CRYM: variants seen among roughly 807,000 people sequenced by gnomAD.
CRYM encodes the protein crystallin mu.
Under a neutral mutation model 32.9 loss-of-function variants are expected in CRYM, and 18 were observed. That is an observed-to-expected ratio of 0.55 (90% confidence interval 0.38 to 0.81). The LOEUF (loss-of-function observed/expected upper bound fraction) is 0.81, where lower values mean the gene tolerates loss of function less well. Among genes scored for constraint, CRYM ranks in the 30% least tolerant of loss-of-function variants. The pLI is 0.00. For missense variants in CRYM, 337 were observed against 393.5 expected (o/e 0.86, Z 1.21); for synonymous variants, 153 against 152.4 (o/e 1.00, Z -0.03).
upstream of CRYM, among the ~76,000 whole-genome samples, chr16:21,282,582 CCCA>C (rs1341683071): frequency 6.6e-6 from 1 of 152,092 alleles, no homozygotes; most frequent in Non-Finnish European, 1.5e-5. Context: ...ATTTCTGACT[CCCA>C]CATTACTAGA....
intron 5 of CRYM, among the ~76,000 whole-genome samples, chr16:21,263,112 T>C (rs553178733): frequency 1.8e-4 from 27 of 152,242 alleles, no homozygotes; most frequent in South Asian, 8.3e-4. Context: ...CAATCAGAAC[T>C]CACCACAGGC....
In CRYM at chr16:21,283,618, T is replaced by TCGGAAGC. The variant is rs1379363665; in HGVS notation, c.-192-4665_-192-4659dup. 3 of 150,054 alleles carry TCGGAAGC rather than the reference T, an allele frequency of 2.0e-5. No individual in the cohort carries two copies. The South Asian group carries it at 6.4e-4, about 32-fold the overall frequency. The allele number at this position is 150,054 out of a possible 1,614,324, so 9.3% of individuals were successfully genotyped here. A position where few individuals can be genotyped will look rare whatever the true frequency, so the allele number is the denominator to read the frequency against. ...CAGGACAAGCAACGGATGAAGTATC[T>TCGGAAGC]CGGAAGCCGGAGAAGGGTGGTCTGG... On this transcript the variant is annotated intron_variant, in intron 1 of 9. Transcript: ENST00000219599.
Position 21,269,850 on chromosome 16 carries a change from C to A in CRYM, c.429G>T (p.Gly143=), listed in dbSNP as rs2093371549. 1 of 1,613,574 alleles carries A rather than the reference C, an allele frequency of 6.2e-7. No homozygotes were observed. The highest frequency in any genetic ancestry group is 8.5e-7 in the Non-Finnish European group (1 of 1,179,900). Residue 143 remains glycine (G), a synonymous_variant, in exon 4 of 8, where the codon GGG becomes GGT. Coordinates refer to ENST00000572914, the MANE Select transcript of CRYM (RefSeq NM_001376256.1). Reference sequence around the variant, plus strand: ...AATGGCTGTAGGCCTGGACCCCAGCCCCAAGGATGCACAGCACTTCACTGC... The same window carrying A: ...AATGGCTGTAGGCCTGGACCCCAGCACCAAGGATGCACAGCACTTCACTGC... ...PPSSEVLCIL[G]AGVQAYSHYE...
chr16:21,264,463 A>G (rs2152861590), intron 5 of CRYM, among the ~76,000 whole-genome samples: 1 of 152,238 alleles, frequency 6.6e-6, no homozygotes, highest in East Asian at 1.9e-4. Context: ...ATGGGGCTAA[A>G]TGAGTGAGGG....
At chr16:21,290,794 A>C (rs1567240450) in intron 1 of CRYM, among the ~76,000 whole-genome samples, 1 of 152,196 alleles carries the variant, frequency 6.6e-6, no homozygotes, top group African/African-American at 2.4e-5. Flanking sequence ...TGTCCTTTCA[A>C]CTGATGATAT....
chr16:21,293,328 G>A (rs1322901014), intron 1 of CRYM, among the ~76,000 whole-genome samples: 1 of 152,180 alleles, frequency 6.6e-6, no homozygotes, highest in African/African-American at 2.4e-5. Context: ...GATGCACCAA[G>A]GGAAAAGCAA....
intron 1 of CRYM, among the ~76,000 whole-genome samples, chr16:21,301,518 C>T (rs1046111317): frequency 6.6e-6 from 1 of 152,152 alleles, no homozygotes; most frequent in Non-Finnish European, 1.5e-5. Flanking sequence ...GAAGAAGTAA[C>T]GTTGGGCTGG....
intron 1 of CRYM, among the ~76,000 whole-genome samples, chr16:21,296,501 C>G (rs1225968896): frequency 1.3e-5 from 2 of 152,150 alleles, no homozygotes; most frequent in Non-Finnish European, 2.9e-5. Flanking sequence ...GAACACAAAT[C>G]TACTCATTGA....
chr16:21,300,328 T>A (rs1444396463), intron 1 of CRYM: 1 of 152,010 alleles, frequency 6.6e-6, no homozygotes, highest in Non-Finnish European at 1.5e-5. Context: ...AAGGGGAGAT[T>A]GCAATGGTAA....
At chr16:21,270,705 T>C (rs1325833322) in intron 3 of CRYM, among the ~76,000 whole-genome samples, 2 of 152,220 alleles carry the variant, frequency 1.3e-5, no homozygotes, top group African/African-American at 4.8e-5. Context: ...CTCAGAGCTC[T>C]GAGCTGCTTC....
At chr16:21,282,890 A>C (rs1329392972), upstream of CRYM, among the ~76,000 whole-genome samples, 1 of 152,116 alleles carries the variant, frequency 6.6e-6, no homozygotes, top group African/African-American at 2.4e-5. Flanking sequence ...AATAAGTAGC[A>C]TATTAAATAT....
intron 1 of CRYM, among the ~76,000 whole-genome samples, chr16:21,284,474 C>A (rs2093404183): frequency 6.6e-6 from 1 of 152,134 alleles, no homozygotes; most frequent in Non-Finnish European, 1.5e-5. Flanking sequence ...CAGTTACATC[C>A]CATTCTCCTC....
intron 1 of CRYM, among the ~76,000 whole-genome samples, chr16:21,284,276 T>C (rs1015878596): frequency 6.6e-6 from 1 of 152,174 alleles, no homozygotes; most frequent in African/African-American, 2.4e-5. Flanking sequence ...TAACATTTTA[T>C]CCACTTCATC....
intron 1 of CRYM, among the ~76,000 whole-genome samples, chr16:21,287,851 G>C (rs1326184698): frequency 6.6e-6 from 1 of 152,194 alleles, no homozygotes; most frequent in African/African-American, 2.4e-5. Flanking sequence ...ACTTTCCTTA[G>C]TTCTGTGAGT....
intron 1 of CRYM, among the ~76,000 whole-genome samples, chr16:21,287,042 A>G (rs1433539731): frequency 6.6e-6 from 1 of 151,928 alleles, no homozygotes; most frequent in African/African-American, 2.4e-5. Flanking sequence ...GTGAGCCAAG[A>G]TCACGCCACT....
At chr16:21,262,345 T>C in intron 5 of CRYM, 187 bp from the exon 6 acceptor site, 1 of 626,112 alleles carries the variant, frequency 1.6e-6, no homozygotes, top group Non-Finnish European at 2.8e-6. Flanking sequence ...AGGCCAGGTG[T>C]GGTGGCTCAC....
In CRYM at chr16:21,295,841, A is replaced by T. The variant is rs958895423; in HGVS notation, c.-193+7137T>A. On this transcript the variant is annotated intron_variant, in intron 1 of 9. Transcript: ENST00000219599. ...CAGCTACTTGAGAGGCTGAGGGAGG[A>T]GAATCGCTTGAACCCAGGAGATGGA... Among the ~76,000 whole-genome samples, 5 of 152,150 alleles carry T rather than the reference A, an allele frequency of 3.3e-5. No individual in the cohort carries two copies. The East Asian group carries it at 9.7e-4, about 29-fold the overall frequency.
At chr16:21,291,137 A>G (rs969973246) in intron 1 of CRYM, among the ~76,000 whole-genome samples, 4 of 152,146 alleles carry the variant, frequency 2.6e-5, no homozygotes, top group African/African-American at 9.7e-5. Flanking sequence ...GGGACAGTTC[A>G]TTTCATATAA....
At chr16:21,261,594 C>T in intron 6 of CRYM, 1 of 558,454 alleles carries the variant, frequency 1.8e-6, no homozygotes, top group Admixed American at 3.1e-5. Flanking sequence ...GCTGTCCTGC[C>T]AAGATCATTG....
Sources: gnomAD v4.1 joint callset for allele counts (sites outside exome capture counted in the v4.1 genomes callset) on GRCh38, gnomAD v4.1.1 for gene constraint, MANE v1.5 for transcripts, NCBI Gene and HGNC (gene_info 2026-07-23, HGNC 2026-07-21) for gene names.